TRAPPC9: variants seen among roughly 807,000 people sequenced by gnomAD.
TRAPPC9 encodes IKK2 binding protein.
In TRAPPC9, 83 loss-of-function variants were observed where a neutral mutation model predicts 124.0. That is an observed-to-expected ratio of 0.67 (90% CI 0.56 to 0.80). The LOEUF (loss-of-function observed/expected upper bound fraction) is 0.80, where lower values mean the gene tolerates loss of function less well. Among genes scored for constraint, TRAPPC9 ranks in the 30% least tolerant of loss-of-function variants. The probability of loss-of-function intolerance (pLI) is 0.00; values close to 1 mark genes in which losing one functional copy is unlikely to be tolerated. For synonymous variants in TRAPPC9, 638 were observed against 617.5 expected, an observed-to-expected ratio of 1.03 and a Z score of -0.49; for missense variants, 1,302 against 1,508.3, an observed-to-expected ratio of 0.86 and a Z score of 2.27.
At chr8:140,302,815 TC>T (rs1165274781) in intron 10 of TRAPPC9, 2 of 152,076 alleles carry the variant, frequency 1.3e-5, no homozygotes, top group Non-Finnish European at 2.9e-5. Context: ...TTGCTCCGAG[TC>T]CGGAGCAACT....
intron 19 of TRAPPC9, among the ~76,000 whole-genome samples, chr8:139,987,956 G>A (rs970425048): frequency 3.9e-5 from 6 of 152,160 alleles, no homozygotes; most frequent in African/African-American, 7.2e-5. Flanking sequence ...TTGGTAGTGC[G>A]GCCTCTCTTT....
At chr8:140,107,282 C>T (rs2060684596) in intron 17 of TRAPPC9, among the ~76,000 whole-genome samples, 1 of 152,174 alleles carries the variant, frequency 6.6e-6, no homozygotes, top group South Asian at 2.1e-4. Context: ...TATGAAATCT[C>T]AGATCCACAG....
intron 9 of TRAPPC9, among the ~76,000 whole-genome samples, chr8:140,329,325 A>C (rs991387500): frequency 1.3e-5 from 2 of 152,222 alleles, no homozygotes; most frequent in African/African-American, 4.8e-5. Flanking sequence ...GTGAGAGTTA[A>C]GTGGTCATTT....
intron 5 of TRAPPC9, among the ~76,000 whole-genome samples, chr8:140,420,643 G>A (rs2070168516): frequency 1.3e-5 from 2 of 151,456 alleles, no homozygotes; most frequent in South Asian, 4.2e-4. Context: ...AGGGGTACAT[G>A]TGCAGGTTTG....
intron 8 of TRAPPC9, among the ~76,000 whole-genome samples, chr8:140,365,961 C>T (rs1228313607): frequency 6.6e-6 from 1 of 152,140 alleles, no homozygotes; most frequent in Non-Finnish European, 1.5e-5. Context: ...TATGTTATTC[C>T]CCTCTATGTG....
intron 19 of TRAPPC9, among the ~76,000 whole-genome samples, chr8:139,924,629 A>T (rs1190102200): frequency 6.6e-6 from 1 of 152,130 alleles, no homozygotes; most frequent in East Asian, 1.9e-4. Flanking sequence ...GATAAGCTCC[A>T]ATACAGTCTG....
At chr8:140,351,131 G>A (rs1264927862) in intron 9 of TRAPPC9, among the ~76,000 whole-genome samples, 1 of 150,924 alleles carries the variant, frequency 6.6e-6, no homozygotes, top group Non-Finnish European at 1.5e-5. Context: ...AACCGCGTGG[G>A]TAGTCAGGTA....
intron 10 of TRAPPC9, among the ~76,000 whole-genome samples, chr8:140,306,505 A>AG (rs1363579588): frequency 6.6e-6 from 1 of 151,726 alleles, no homozygotes; most frequent in African/African-American, 2.4e-5. Flanking sequence ...AAAAAAAAAA[A>AG]AAAAAGAAGA....
intron 16 of TRAPPC9, among the ~76,000 whole-genome samples, chr8:140,237,395 A>C (rs1373527862): frequency 6.6e-6 from 1 of 151,312 alleles, no homozygotes; most frequent in African/African-American, 2.4e-5. Flanking sequence ...AGAATGAGTA[A>C]GAGTTTTTCA....
intron 18 of TRAPPC9, among the ~76,000 whole-genome samples, chr8:139,998,479 G>A (rs993266097): frequency 6.6e-6 from 1 of 152,226 alleles, no homozygotes; most frequent in Non-Finnish European, 1.5e-5. Context: ...AGCACTTTGG[G>A]AGGCCAAGGC....
At chr8:140,445,335 G>T (rs2071205960) in intron 2 of TRAPPC9, among the ~76,000 whole-genome samples, 1 of 152,206 alleles carries the variant, frequency 6.6e-6, no homozygotes, top group East Asian at 1.9e-4. Flanking sequence ...GTCACCTCTG[G>T]AGGTCACCTG....
chr8:140,395,601 G>C (rs2069067278), intron 7 of TRAPPC9, among the ~76,000 whole-genome samples: 1 of 152,084 alleles, frequency 6.6e-6, no homozygotes, highest in South Asian at 2.1e-4. Flanking sequence ...TTCTACTTAG[G>C]TTATCTGCTT....
chr8:139,827,789 G>C (rs1190203249), intron 21 of TRAPPC9, among the ~76,000 whole-genome samples: 2 of 152,164 alleles, frequency 1.3e-5, no homozygotes, highest in African/African-American at 4.8e-5. Flanking sequence ...GGCTTCATCG[G>C]CTCACAGTGC....
intron 19 of TRAPPC9, among the ~76,000 whole-genome samples, chr8:139,947,907 T>TATATATATATATATATAGAG: frequency 1.2e-4 from 7 of 60,356 alleles, no homozygotes; most frequent in East Asian, 4.4e-4. Flanking sequence ...TATATATATA[T>TATATATATATATATATAGAG]AGAGAGAGAG....
At chr8:140,445,539 G>A (rs1209890977) in intron 2 of TRAPPC9, among the ~76,000 whole-genome samples, 1 of 152,162 alleles carries the variant, frequency 6.6e-6, no homozygotes, top group African/African-American at 2.4e-5. Flanking sequence ...GGGGAGGAGG[G>A]AGCCCGGGCC....
intron 17 of TRAPPC9, among the ~76,000 whole-genome samples, chr8:140,164,302 A>C (rs1363901454): frequency 6.6e-6 from 1 of 152,196 alleles, no homozygotes; most frequent in Non-Finnish European, 1.5e-5. Context: ...CTCTATAGAA[A>C]CTTCCCCTAA....
At chr8:139,947,918 AGAGAGC>A (rs1253367430) in intron 19 of TRAPPC9, among the ~76,000 whole-genome samples, 22 of 61,578 alleles carry the variant, frequency 3.6e-4, no homozygotes, top group Admixed American at 6.3e-4. Context: ...AGAGAGAGAG[AGAGAGC>A]GAGAGAGAGA....
intron 19 of TRAPPC9, among the ~76,000 whole-genome samples, chr8:139,914,522 G>C (rs1341519858): frequency 1.3e-5 from 2 of 152,214 alleles, no homozygotes; most frequent in Non-Finnish European, 2.9e-5. Context: ...ACCTGGGCTG[G>C]ATGCCCAGCT....
intron 18 of TRAPPC9, among the ~76,000 whole-genome samples, chr8:139,989,166 C>G (rs1837463257): frequency 6.6e-6 from 1 of 152,218 alleles, no homozygotes; most frequent in African/African-American, 2.4e-5. Flanking sequence ...ACACTGACGA[C>G]TGGAACACCT....
Sources: allele counts gnomAD v4.1 joint callset (sites outside exome capture counted in the v4.1 genomes callset), GRCh38; gene constraint gnomAD v4.1.1; transcripts MANE v1.5; gene names NCBI Gene and HGNC (gene_info 2026-07-23, HGNC 2026-07-21).